ASCC3: variants seen among roughly 807,000 people sequenced by gnomAD.
The protein encoded by ASCC3 is ASC-1 complex subunit P200.
In ASCC3, 158 loss-of-function variants were observed where a neutral mutation model predicts 256.3. The observed-to-expected ratio is 0.62, with a 90% CI of 0.54 to 0.70. The LOEUF is 0.70. Ranked by LOEUF, ASCC3 falls within the 30% of genes least tolerant of loss-of-function variation. ASCC3 has a pLI of 0.00. For missense variants in ASCC3, 2,259 were observed against 2,626.0 expected (o/e 0.86, Z 3.05); for synonymous variants, 948 against 883.4 (o/e 1.07, Z -1.30).
At chr6:100,726,432 G>T (rs574146539) in intron 10 of ASCC3, among the ~76,000 whole-genome samples, 70 of 151,910 alleles carry the variant, frequency 4.6e-4, no homozygotes, top group Non-Finnish European at 8.0e-4. Flanking sequence ...AATTTGCAGA[G>T]AAAAAATGTG....
chr6:100,515,263 C>G (rs1441816014), intron 39 of ASCC3, among the ~76,000 whole-genome samples: 1 of 151,986 alleles, frequency 6.6e-6, no homozygotes, highest in Non-Finnish European at 1.5e-5. Flanking sequence ...GAAAGGTAGG[C>G]ATTTATTATG....
chr6:100,848,743 T>C, intron 3 of ASCC3, 36 bp from the exon 4 acceptor site: 2 of 1,591,240 alleles, frequency 1.3e-6, no homozygotes, highest in Non-Finnish European at 1.7e-6. Context: ...TTAGCTCAAT[T>C]GAATCATGGT....
intron 22 of ASCC3, among the ~76,000 whole-genome samples, chr6:100,644,769 A>T (rs1270783491): frequency 6.6e-6 from 1 of 152,172 alleles, no homozygotes; most frequent in Non-Finnish European, 1.5e-5. Context: ...AGGCAGAGGC[A>T]CATGACAAAT....
At chr6:100,775,121 A>G (rs1411101359) in intron 8 of ASCC3, among the ~76,000 whole-genome samples, 2 of 152,288 alleles carry the variant, frequency 1.3e-5, no homozygotes, top group East Asian at 1.9e-4. Flanking sequence ...TGAAATAGCC[A>G]GGGACTTTTT....
At chr6:100,626,520 T>G (rs1774244685) in intron 29 of ASCC3, among the ~76,000 whole-genome samples, 1 of 152,136 alleles carries the variant, frequency 6.6e-6, no homozygotes, top group Non-Finnish European at 1.5e-5. Flanking sequence ...TCTATGGAAG[T>G]GTAAGTACTT....
chr6:100,652,500 G>A (rs1349873602), intron 18 of ASCC3, among the ~76,000 whole-genome samples: 1 of 152,126 alleles, frequency 6.6e-6, no homozygotes, highest in Non-Finnish European at 1.5e-5. Flanking sequence ...AGGCTTGGGT[G>A]TGTTTATTGC....
chr6:100,572,297 C>T (rs549259809), intron 36 of ASCC3, among the ~76,000 whole-genome samples: 2 of 152,208 alleles, frequency 1.3e-5, no homozygotes, highest in South Asian at 4.1e-4. Context: ...TAGAAGATGG[C>T]CATGTTTGCA....
intron 33 of ASCC3, among the ~76,000 whole-genome samples, chr6:100,604,532 C>T (rs181004344): frequency 7.2e-5 from 11 of 151,968 alleles, no homozygotes; most frequent in African/African-American, 2.7e-4. Flanking sequence ...AACACATGTA[C>T]CTCAAGCTCC....
At chr6:100,826,300 T>G (rs1771305443) in intron 4 of ASCC3, among the ~76,000 whole-genome samples, 1 of 151,844 alleles carries the variant, frequency 6.6e-6, no homozygotes, top group African/African-American at 2.4e-5. Context: ...CCCGGCTAAT[T>G]TTTTGTATTT....
At chr6:100,522,248 A>G (rs1774351630) in intron 37 of ASCC3, among the ~76,000 whole-genome samples, 1 of 152,098 alleles carries the variant, frequency 6.6e-6, no homozygotes, top group Non-Finnish European at 1.5e-5. Flanking sequence ...CAAAGTTGGA[A>G]TCAATTTCAG....
At chr6:100,647,683 T>C (rs1240963134) in intron 20 of ASCC3, among the ~76,000 whole-genome samples, 2 of 152,116 alleles carry the variant, frequency 1.3e-5, no homozygotes, top group Non-Finnish European at 2.9e-5. Flanking sequence ...GGAAGCCTTA[T>C]TTCCAAGTTC....
At chr6:100,510,894 G>C (rs1773727534) in intron 40 of ASCC3, among the ~76,000 whole-genome samples, 1 of 152,092 alleles carries the variant, frequency 6.6e-6, no homozygotes, top group Admixed American at 6.5e-5. Flanking sequence ...CAGTATTCTA[G>C]AGGGAGATGT....
chr6:100,579,256 G>A (rs1193671277), intron 36 of ASCC3, among the ~76,000 whole-genome samples: 1 of 151,374 alleles, frequency 6.6e-6, no homozygotes, highest in African/African-American at 2.4e-5. Context: ...TTTGTCAGAG[G>A]AATAGTTTGC....
Position 100,855,390 on chromosome 6 carries a change from T to C in ASCC3, c.242-6683A>G, listed in dbSNP as rs74432368. On this transcript the variant is annotated intron_variant, in intron 3 of 41. Coordinates refer to ENST00000369162, the MANE Select transcript of ASCC3 (RefSeq NM_006828.4). ...CCTTGGCCTCCCAAAATTCTGGGATTACAGGCGTAAGCCACTGTACCCAGC... is the reference window on the plus strand; with the variant it reads ...CCTTGGCCTCCCAAAATTCTGGGATCACAGGCGTAAGCCACTGTACCCAGC... Among the ~76,000 whole-genome samples, 530 of 152,386 alleles carry C rather than the reference T, an allele frequency of 3.5e-3. 3 individuals are homozygous for C. The highest frequency in any genetic ancestry group is 0.012 in the African/African-American group (511 of 41,594).
chr6:100,652,743 AATAT>A lies in ASCC3; in HGVS notation c.2966_2969del (p.Tyr989LeufsTer25). On this transcript the variant is annotated frameshift_variant, in exon 18 of 42. Transcript: ENST00000369162. LOFTEE classifies it high-confidence loss of function. ...ATAATACCTCAATGGTGTTGTATTT[AATAT>A]AGTAATGGCTGGCAGTTCTACCCAA... 5.6e-6 allele frequency: 9 copies of A among 1,613,780 alleles called. No individual in the cohort carries two copies. Among genetic ancestry groups the A allele is most frequent in the Non-Finnish European group, 7.6e-6 (9 of 1,179,824 alleles).
At chr6:100,518,972 G>A (rs1355742160) in intron 37 of ASCC3, among the ~76,000 whole-genome samples, 1 of 151,970 alleles carries the variant, frequency 6.6e-6, no homozygotes, top group Admixed American at 6.6e-5. Context: ...GATATGCCTA[G>A]CAAATAATTA....
intron 36 of ASCC3, 77 bp from the exon 37 acceptor site, chr6:100,540,464 A>T: frequency 8.0e-7 from 1 of 1,247,960 alleles, no homozygotes; most frequent in Non-Finnish European, 1.1e-6. Flanking sequence ...ACTGACATTT[A>T]AAACATGGCT....
Position 100,526,010 on chromosome 6 carries a change from T to A in ASCC3, c.5776-7868A>T, listed in dbSNP as rs144967432. 1.1e-3 allele frequency among the ~76,000 whole-genome samples: 162 copies of A among 152,236 alleles called. 1 individual carries two copies. The highest frequency in any genetic ancestry group is 2.8e-3 in the African/African-American group (117 of 41,556). On this transcript the variant is annotated intron_variant, in intron 37 of 41. Transcript: ENST00000369162. ...GGTTCAGGTCACTTGCAAGTAATGA[T>A]ACAATATTTTGTCAATAATTAAAAT...
chr6:100,868,087 G>A, intron 1 of ASCC3, 49 bp from the exon 2 acceptor site: 1 of 1,025,398 alleles, frequency 9.8e-7, no homozygotes, highest in Non-Finnish European at 1.5e-6. Context: ...GGTGGCAGAG[G>A]TAATCAAACT....
Sources: allele counts gnomAD v4.1 joint callset (sites outside exome capture counted in the v4.1 genomes callset), GRCh38; gene constraint gnomAD v4.1.1; transcripts MANE v1.5; gene names NCBI Gene and HGNC (gene_info 2026-07-23, HGNC 2026-07-21).